The following ZNF462 variants were observed in gnomAD, a reference collection of about 807,000 sequenced individuals.
The protein encoded by ZNF462 is zinc finger PBX1-interacting protein.
Under a neutral mutation model 201.9 loss-of-function variants are expected in ZNF462, and 10 were observed. That is an observed-to-expected ratio of 0.05 (90% confidence interval 0.03 to 0.08). ZNF462 has a LOEUF of 0.08. Ranked by LOEUF, ZNF462 falls within the 10% of genes least tolerant of loss-of-function variation. The pLI, the probability that ZNF462 is intolerant of heterozygous loss-of-function variation, is 1.00. For missense variants in ZNF462, 2,523 were observed against 3,168.3 expected (o/e 0.80, Z 4.89); for synonymous variants, 1,227 against 1,193.3 (o/e 1.03, Z -0.58).
chr9:106,910,118 T>A (rs1359704447), intron 1 of ZNF462, among the ~76,000 whole-genome samples: 1 of 152,172 alleles, frequency 6.6e-6, no homozygotes, highest in Non-Finnish European at 1.5e-5. Flanking sequence ...TTGCCTCTTA[T>A]AACTTTAATA....
At chr9:106,991,839 T>TACACACAC (rs200978759) in intron 10 of ZNF462, among the ~76,000 whole-genome samples, 299 of 136,348 alleles carry the variant, frequency 2.2e-3, no homozygotes, top group African/African-American at 4.1e-3. Flanking sequence ...CAGCACTCTC[T>TACACACAC]ACACACACAC....
In ZNF462 at chr9:106,872,178, C is replaced by T. The variant is rs541663018; in HGVS notation, c.-31+8823C>T. On this transcript the variant is annotated intron_variant, in intron 1 of 12. Transcript: ENST00000277225. This position sits in a 1 kb window ranked among gnomAD's most constrained non-coding sequence, Gnocchi z 4.5. ...GCCATGGGCCTGATGGAGGGTCCTT[C>T]GTTTGGGGTACAATTTGAATGCTGG... Among the ~76,000 whole-genome samples the T allele has an allele frequency of 1.3e-4, 20 of 152,242 alleles. No individual in the cohort carries two copies. In the South Asian group the frequency reaches 4.1e-3, roughly 32 times the overall value.
At chr9:106,988,262 G>C (rs1262475567) in intron 10 of ZNF462, among the ~76,000 whole-genome samples, 1 of 151,884 alleles carries the variant, frequency 6.6e-6, no homozygotes, top group African/African-American at 2.4e-5. Flanking sequence ...ATGGCAACAG[G>C]CAAAAAGAGA....
chr9:106,918,581 G>A (rs1829872398), intron 1 of ZNF462, among the ~76,000 whole-genome samples: 1 of 152,130 alleles, frequency 6.6e-6, no homozygotes, highest in African/African-American at 2.4e-5. Context: ...TTGTTGCTAA[G>A]AATAGCAACC....
At chr9:106,900,308 A>G (rs1829011500) in intron 1 of ZNF462, among the ~76,000 whole-genome samples, 1 of 151,170 alleles carries the variant, frequency 6.6e-6, no homozygotes, top group Admixed American at 6.6e-5. Flanking sequence ...GTTGGTTCCA[A>G]GATTTTGCAA....
chr9:106,975,905 C>T (rs1013165779), intron 9 of ZNF462: 3 of 152,334 alleles, frequency 2.0e-5, no homozygotes, highest in African/African-American at 4.8e-5. Context: ...TAGCATTCTA[C>T]CCTCAACAAA....
intron 7 of ZNF462, among the ~76,000 whole-genome samples, chr9:106,960,184 C>T (rs567637008): frequency 1.8e-4 from 27 of 152,146 alleles, no homozygotes; most frequent in African/African-American, 4.8e-4. Context: ...TAGAGCTCTA[C>T]GTGTATCTAA....
At position 106,968,375 on chromosome 9, in the gene ZNF462, A is replaced by G. The variant is rs1169237063; in HGVS notation, c.6428-3630A>G. ...AAATTCTAATTTGATCCTGATTTTA[A>G]TTCATTTCTTATGATAGCTTACAAA... On this transcript the variant is annotated intron_variant, in intron 7 of 12. Coordinates refer to ENST00000277225, the MANE Select transcript of ZNF462 (RefSeq NM_021224.6). The surrounding 1 kb of genome is among the most constrained non-coding windows in gnomAD (Gnocchi z 4.0). Among the ~76,000 whole-genome samples, 1 of 152,234 alleles carries G rather than the reference A, an allele frequency of 6.6e-6. No homozygotes were observed. The highest frequency in any genetic ancestry group is 1.5e-5 in the Non-Finnish European group (1 of 68,034).
chr9:106,947,400 G>T (rs1219217139), intron 7 of ZNF462, among the ~76,000 whole-genome samples: 1 of 152,148 alleles, frequency 6.6e-6, no homozygotes, highest in Non-Finnish European at 1.5e-5. Context: ...CACCAGAGCT[G>T]CTATGATAGC....
Position 106,885,351 on chromosome 9 carries a change from C to G in ZNF462, c.-31+21996C>G, listed in dbSNP as rs1388399660. ...TGTTTTAGAAGTAGAAGAGAAGAAA[C>G]AATTGAGTAGAAAAAGAAAATAATT... On this transcript the variant is annotated intron_variant, in intron 1 of 12. Coordinates refer to ENST00000277225, the MANE Select transcript of ZNF462 (RefSeq NM_021224.6). The surrounding 1 kb of genome is among the most constrained non-coding windows in gnomAD (Gnocchi z 4.1). 6.6e-6 allele frequency among the ~76,000 whole-genome samples: 1 copy of G among 152,080 alleles called. No homozygotes were observed. The highest frequency in any genetic ancestry group is 2.4e-5 in the African/African-American group (1 of 41,402).
intron 10 of ZNF462, among the ~76,000 whole-genome samples, chr9:107,002,414 G>A (rs1331944591): frequency 3.3e-5 from 5 of 152,140 alleles, no homozygotes; most frequent in African/African-American, 4.8e-5. Context: ...AGCTTGTCAT[G>A]CCTGAACATT....
In ZNF462 at chr9:106,989,421, G is replaced by A. The variant is rs181661023; in HGVS notation, c.7056+5012G>A. On this transcript the variant is annotated intron_variant, in intron 10 of 12. Coordinates refer to ENST00000277225, the MANE Select transcript of ZNF462 (RefSeq NM_021224.6). ...TCATGGTGGATTATCTTTTTGATAT[G>A]TTGTTGAGTTTGGTTAGCTAGTATT... Among the ~76,000 whole-genome samples the A allele has an allele frequency of 3.3e-4, 50 of 152,214 alleles. No homozygotes were observed. The East Asian group carries it at 9.6e-3, about 29-fold the overall frequency.
chr9:106,982,546 C>G (rs2087324866), intron 9 of ZNF462, among the ~76,000 whole-genome samples: 1 of 152,024 alleles, frequency 6.6e-6, no homozygotes, highest in South Asian at 2.1e-4. Flanking sequence ...TAAACAGTTG[C>G]TATTCTAAAA....
At chr9:106,869,657 C>T (rs1463593202) in intron 1 of ZNF462, among the ~76,000 whole-genome samples, 3 of 152,144 alleles carry the variant, frequency 2.0e-5, no homozygotes, top group Non-Finnish European at 4.4e-5. Flanking sequence ...TGTGGCACTC[C>T]TCCAAATGAG....
In ZNF462 at chr9:107,003,759, G is replaced by A. The variant is rs1478135863; in HGVS notation, c.7189+333G>A. On this transcript the variant is annotated intron_variant, in intron 11 of 12. Transcript: ENST00000277225. This position sits in a 1 kb window ranked among gnomAD's most constrained non-coding sequence, Gnocchi z 4.4. ...AGCAGACAGCAAGATGGATGACACT[G>A]TAGAGCTCTAGAGGAATGAGAATGA... 6.6e-6 allele frequency among the ~76,000 whole-genome samples: 1 copy of A among 152,140 alleles called. No individual in the cohort carries two copies. Among genetic ancestry groups the A allele is most frequent in the Non-Finnish European group, 1.5e-5 (1 of 68,036 alleles).
chr9:106,987,342 T>G (rs1827930392), intron 10 of ZNF462, among the ~76,000 whole-genome samples: 1 of 152,180 alleles, frequency 6.6e-6, no homozygotes, highest in African/African-American at 2.4e-5. Context: ...TTTTAAATTT[T>G]TTTTATTATG....
intron 1 of ZNF462, among the ~76,000 whole-genome samples, chr9:106,908,028 C>G (rs1373852632): frequency 1.3e-5 from 2 of 151,756 alleles, no homozygotes; most frequent in Non-Finnish European, 2.9e-5. Context: ...TTTTTTTTAA[C>G]ATACCTTTAT....
intron 7 of ZNF462, among the ~76,000 whole-genome samples, chr9:106,947,575 T>G (rs1039117933): frequency 2.0e-5 from 3 of 152,198 alleles, no homozygotes; most frequent in African/African-American, 7.2e-5. Context: ...GAAAAATAAT[T>G]CTTATTTTTT....
intron 1 of ZNF462, among the ~76,000 whole-genome samples, chr9:106,900,369 A>T (rs2131173702): frequency 6.6e-6 from 1 of 151,986 alleles, no homozygotes; most frequent in South Asian, 2.1e-4. Context: ...TTTTTCGAAT[A>T]ATGACTTCAT....
Sources: allele counts gnomAD v4.1 joint callset (sites outside exome capture counted in the v4.1 genomes callset), GRCh38; gene constraint gnomAD v4.1.1; non-coding constraint Gnocchi (gnomAD v3.1); transcripts MANE v1.5; gene names NCBI Gene and HGNC (gene_info 2026-07-23, HGNC 2026-07-21).